The following KIAA0319L variants were observed in gnomAD, a reference collection of about 807,000 sequenced individuals.
The protein encoded by KIAA0319L is KIAA0319 like, also known as dyslexia-associated protein KIAA0319-like protein.
KIAA0319L carries 55 observed loss-of-function variants against 120.1 expected under a neutral mutation model. The ratio of observed to expected loss-of-function variants is 0.46; its 90% confidence interval spans 0.37 to 0.57. The LOEUF (loss-of-function observed/expected upper bound fraction) is 0.57, where lower values mean the gene tolerates loss of function less well. Ranked by LOEUF, KIAA0319L falls within the 20% of genes least tolerant of loss-of-function variation. The probability of loss-of-function intolerance (pLI) is 0.00; values close to 1 mark genes in which losing one functional copy is unlikely to be tolerated. For missense variants in KIAA0319L, 1,049 were observed against 1,255.3 expected, an observed-to-expected ratio of 0.84 and a Z score of 2.48; for synonymous variants, 398 against 471.9, an observed-to-expected ratio of 0.84 and a Z score of 2.03.
At chr1:35,542,065 T>A (rs779182319) in intron 2 of KIAA0319L, among the ~76,000 whole-genome samples, 9 of 152,306 alleles carry the variant, frequency 5.9e-5, no homozygotes, top group Admixed American at 2.6e-4. Context: ...AAGCTCCCAC[T>A]GGACAGAGGT....
In KIAA0319L at chr1:35,526,392, T is replaced by C. The variant is rs200853319; in HGVS notation, c.143-19257A>G. Among the ~76,000 whole-genome samples the C allele has an allele frequency of 2.7e-3, 266 of 100,110 alleles. No homozygotes were observed. The East Asian group carries it at 0.027, about 10-fold the overall frequency. 65.7% of individuals were successfully genotyped at this position (100,110 alleles called of 152,430 possible). On this transcript the variant is annotated intron_variant, in intron 2 of 20. Transcript: ENST00000325722. ...ACATACATATATATATACATACATA[T>C]ATATATATATATATATATACACACA...
intron 2 of KIAA0319L, among the ~76,000 whole-genome samples, chr1:35,540,849 GA>G (rs1298713849): frequency 6.6e-6 from 1 of 152,122 alleles, no homozygotes; most frequent in Non-Finnish European, 1.5e-5. Context: ...CTCTCAAAGG[GA>G]ATTTCTGTTC....
chr1:35,549,177 A>C (rs1053849024), intron 2 of KIAA0319L, among the ~76,000 whole-genome samples: 1 of 151,740 alleles, frequency 6.6e-6, no homozygotes, highest in African/African-American at 2.4e-5. Flanking sequence ...CAGCCTTTCG[A>C]GTAGCTAGGA....
intron 3 of KIAA0319L, among the ~76,000 whole-genome samples, chr1:35,497,582 T>C (rs537532904): frequency 6.6e-6 from 1 of 152,326 alleles, no homozygotes; most frequent in Non-Finnish European, 1.5e-5. Context: ...ACTAACCAAA[T>C]TGTACACTTT....
At chr1:35,475,033 T>C (rs762954644) in intron 4 of KIAA0319L, 127 bp from the exon 5 acceptor site, 19 of 597,222 alleles carry the variant, frequency 3.2e-5, no homozygotes, top group Non-Finnish European at 5.2e-5. Context: ...CTAACTTTTT[T>C]CTACTCTCTA....
At chr1:35,479,947 CAAAAAAAAAAAAA>C (rs71062878) in intron 3 of KIAA0319L, among the ~76,000 whole-genome samples, 11 of 32,314 alleles carry the variant, frequency 3.4e-4, no homozygotes, top group Admixed American at 5.0e-4. Flanking sequence ...TATGATGAGC[CAAAAAAAAAAAAA>C]AAAAAAAAAA....
In KIAA0319L at chr1:35,554,457, G is replaced by A; in HGVS notation, c.35C>T (p.Ala12Val). Residue 12 changes from alanine to valine, a missense_variant, in exon 2 of 21, where the codon GCT (alanine) becomes GTT (valine). Ala to Val is a moderately conservative substitution (Grantham distance 64). Coordinates refer to ENST00000325722, the MANE Select transcript of KIAA0319L (RefSeq NM_024874.5). The stretch of plus-strand genomic sequence containing the variant: ...ATAATATCCTGATAAAATCCAGGAA[G>A]CAGGATTTGGCTTGACTCCCAGCCT... ...EKRLGVKPNPASWILSGYYWQ... is the reference protein window; with the variant it reads ...EKRLGVKPNPVSWILSGYYWQ... The A allele has an allele frequency of 1.2e-6, 2 of 1,613,084 alleles. No homozygotes were observed. The highest frequency in any genetic ancestry group is 2.7e-5 in the African/African-American group (2 of 75,028).
chr1:35,487,175 G>C (rs1179231452), intron 3 of KIAA0319L, among the ~76,000 whole-genome samples: 1 of 152,050 alleles, frequency 6.6e-6, no homozygotes, highest in Admixed American at 6.6e-5. Context: ...TTTCCTAGTA[G>C]ACAAATAACC....
chr1:35,546,298 G>A (rs141252238), intron 2 of KIAA0319L, among the ~76,000 whole-genome samples: 67 of 152,304 alleles, frequency 4.4e-4, no homozygotes, highest in Non-Finnish European at 8.2e-4. Context: ...AAAGCATGGT[G>A]TAACTTAAGG....
At chr1:35,556,243 G>A (rs1400460664) in intron 1 of KIAA0319L, among the ~76,000 whole-genome samples, 2 of 152,224 alleles carry the variant, frequency 1.3e-5, no homozygotes, top group Non-Finnish European at 2.9e-5. Context: ...TTCAGACAGA[G>A]CAGGGGGTAA....
chr1:35,467,244 C>T (rs952872551), intron 6 of KIAA0319L, among the ~76,000 whole-genome samples: 13 of 151,928 alleles, frequency 8.6e-5, no homozygotes, highest in Middle Eastern at 3.4e-3. Flanking sequence ...CACAGAGTTA[C>T]GAAATTAAAA....
rs1465480851 is a variant in KIAA0319L, at chr1:35,557,352, G to A, written c.-174C>T. 3 of 282,902 alleles carry A rather than the reference G, an allele frequency of 1.1e-5. No individual in the cohort carries two copies. Among genetic ancestry groups the A allele is most frequent in the Non-Finnish European group, 2.1e-5 (3 of 143,362 alleles). 17.5% of individuals were successfully genotyped at this position (282,902 alleles called of 1,614,324 possible). On this transcript the variant is annotated 5_prime_UTR_variant, in exon 1 of 21. Coordinates refer to ENST00000325722, the MANE Select transcript of KIAA0319L (RefSeq NM_024874.5). ...AGAAGGTAGTGCGGGCTCCCCACCC[G>A]GACAGCTACCTCTCGCCTCAGCCTC...
intron 2 of KIAA0319L, among the ~76,000 whole-genome samples, chr1:35,523,046 T>C (rs906191163): frequency 2.0e-5 from 3 of 150,860 alleles, no homozygotes; most frequent in Non-Finnish European, 2.9e-5. Flanking sequence ...AAATCTTGTA[T>C]GGTTTGGACC....
chr1:35,443,210 C>T lies in KIAA0319L; in HGVS notation c.2657-182G>A, dbSNP rs889719497. 6.5e-6 allele frequency: 4 copies of T among 611,188 alleles called. No homozygotes were observed. In the Admixed American group the frequency reaches 1.2e-4, roughly 18 times the overall value. The allele number at this position is 611,188 out of a possible 1,614,324, so 37.9% of individuals were successfully genotyped here. A position where few individuals can be genotyped will look rare whatever the true frequency, so the allele number is the denominator to read the frequency against. On this transcript the variant is annotated intron_variant, in intron 17 of 20. Coordinates refer to ENST00000325722, the MANE Select transcript of KIAA0319L (RefSeq NM_024874.5). ...CTCGACTGGACAAAACTGGAGCAGT[C>T]AGGAGGCCACTAGAAAGACACTTCC...
chr1:35,436,438 GA>G (rs1168899565), intron 20 of KIAA0319L, among the ~76,000 whole-genome samples: 1 of 152,178 alleles, frequency 6.6e-6, no homozygotes, highest in Non-Finnish European at 1.5e-5. Flanking sequence ...GGCCACAGAA[GA>G]ACACTGACCG....
At chr1:35,466,457 GC>G (rs1394167946) in intron 7 of KIAA0319L, 150 bp downstream of exon 7, 5 of 610,844 alleles carry the variant, frequency 8.2e-6, no homozygotes, top group African/African-American at 1.9e-5. Context: ...TCTGTATTTT[GC>G]TATTGTAACT....
intron 10 of KIAA0319L, 74 bp downstream of exon 10, chr1:35,455,939 G>T: frequency 8.9e-7 from 1 of 1,123,652 alleles, no homozygotes; most frequent in Non-Finnish European, 1.3e-6. Flanking sequence ...CAGTTTGTTT[G>T]GAGGTTTCTA....
At position 35,442,266 on chromosome 1, in the gene KIAA0319L, A is replaced by G. The variant is rs372041874; in HGVS notation, c.2850T>C (p.Thr950=). ...CTTACCTCTTACAACAACAGATCACAGTCCAAGACAGGATTCCCAAGGCAA... is the reference window on the plus strand; with the variant it reads ...CTTACCTCTTACAACAACAGATCACGGTCCAAGACAGGATTCCCAAGGCAA... ...IVVALGILSW[T]VICCCKRQKG... is the part of the protein sequence containing the mutation. Residue 950 remains threonine, a synonymous_variant, in exon 19 of 21, where the codon ACT becomes ACC. Coordinates refer to ENST00000325722, the MANE Select transcript of KIAA0319L (RefSeq NM_024874.5). The G allele has an allele frequency of 7.4e-6, 12 of 1,612,934 alleles. No individual in the cohort carries two copies. Among genetic ancestry groups the G allele is most frequent in the Non-Finnish European group, 8.5e-6 (10 of 1,178,970 alleles).
chr1:35,470,788 A>T (rs1416577401), intron 6 of KIAA0319L, 75 bp downstream of exon 6: 3 of 927,334 alleles, frequency 3.2e-6, no homozygotes, highest in Non-Finnish European at 5.4e-6. Flanking sequence ...GTAGACAGAA[A>T]ATTATATGAT....
Sources: gnomAD v4.1 joint callset for allele counts (sites outside exome capture counted in the v4.1 genomes callset) on GRCh38, gnomAD v4.1.1 for gene constraint, MANE v1.5 for transcripts, NCBI Gene and HGNC (gene_info 2026-07-23, HGNC 2026-07-21) for gene names.